ABCC3: variants seen among roughly 807,000 people sequenced by gnomAD.
ABCC3 encodes ATP-binding cassette sub-family C member 3.
In ABCC3, 121 loss-of-function variants were observed where a neutral mutation model predicts 165.3. That is an observed-to-expected ratio of 0.73 (90% confidence interval 0.63 to 0.85). The LOEUF is 0.85. Among genes scored for constraint, ABCC3 ranks in the 40% least tolerant of loss-of-function variants. ABCC3 has a pLI of 0.00. For synonymous variants in ABCC3, 733 were observed against 810.1 expected (o/e 0.90, Z 1.62); for missense variants, 1,869 against 1,964.1 (o/e 0.95, Z 0.92).
chr17:50,666,977 G>A (rs923941116), intron 11 of ABCC3, among the ~76,000 whole-genome samples: 3 of 152,140 alleles, frequency 2.0e-5, no homozygotes, highest in African/African-American at 7.2e-5. Context: ...CCCAGCACTT[G>A]GGGAGGCCAA....
At chr17:50,663,189 T>A in intron 8 of ABCC3, 1 of 150,312 alleles carries the variant, frequency 6.7e-6, no homozygotes, top group African/African-American at 2.7e-5. Context: ...AGAAGAGAGG[T>A]GAAGAAGGCC....
At chr17:50,635,671 G>A in intron 1 of ABCC3, 1 of 690,010 alleles carries the variant, frequency 1.4e-6, no homozygotes. Context: ...CCCAGAGAGA[G>A]GAAGGGACTT....
intron 28 of ABCC3, among the ~76,000 whole-genome samples, chr17:50,684,468 T>C (rs1450216945): frequency 6.6e-6 from 1 of 152,168 alleles, no homozygotes; most frequent in Admixed American, 6.5e-5. Flanking sequence ...AGTGGACACT[T>C]TGGAGTCAGA....
Position 50,664,129 on chromosome 17 carries a change from A to T in ABCC3, c.1338+18A>T. 6.2e-7 allele frequency: 1 copy of T among 1,612,724 alleles called. No homozygotes were observed. The highest frequency in any genetic ancestry group is 8.5e-7 in the Non-Finnish European group (1 of 1,179,016). On this transcript the variant is annotated intron_variant, in intron 10 of 30. Transcript: ENST00000285238. ...TCTGGCAGGTGACTCTCCAACCCTG[A>T]CCTCTGCCTCCTTCCTCTGACATGC...
At chr17:50,683,573 G>A (rs764292723) in intron 26 of ABCC3, 37 bp from the exon 27 acceptor site, 2 of 1,506,634 alleles carry the variant, frequency 1.3e-6, no homozygotes, top group Non-Finnish European at 1.8e-6. Flanking sequence ...GGGCTTCACT[G>A]GGCAGCTGAT....
At chr17:50,682,326 T>C (rs946846137) in intron 26 of ABCC3, among the ~76,000 whole-genome samples, 12 of 142,922 alleles carry the variant, frequency 8.4e-5, no homozygotes, top group Non-Finnish European at 1.7e-4. Flanking sequence ...TCTATTCTGC[T>C]TGTAGCTGCC....
chr17:50,656,061 TTTTA>T (rs1201420925), intron 2 of ABCC3, 53 bp downstream of exon 2: 1 of 1,327,542 alleles, frequency 7.5e-7, no homozygotes. Context: ...GGGATTCTGC[TTTTA>T]TTTTTTAATT....
At chr17:50,671,241 C>T (rs1290777998) in intron 17 of ABCC3, among the ~76,000 whole-genome samples, 5 of 145,318 alleles carry the variant, frequency 3.4e-5, no homozygotes. Flanking sequence ...GCCTGGGCGA[C>T]AGAGCAAGAC....
rs773118008 is a variant in ABCC3 at position 50,677,796 on chromosome 17, G to A, written c.3431G>A (p.Arg1144His). The change falls in exon 24 of 31, where the codon CGC becomes CAC. Residue 1144 changes from arginine (R) to histidine (H), a missense_variant. By Grantham distance (29) the Arg-to-His change is conservative. Coordinates refer to ENST00000285238, the MANE Select transcript of ABCC3 (RefSeq NM_003786.4). ...RQLKRLESVSRSPIYSHFSET... is the reference protein window; with the variant it reads ...RQLKRLESVSHSPIYSHFSET... ...CTGAAGCGGCTGGAATCAGTCAGCC[G>A]CTCACCTATCTACTCCCACTTTTCG... The A allele has an allele frequency of 1.1e-5, 18 of 1,614,066 alleles. No homozygotes were observed. Among genetic ancestry groups the A allele is most frequent in the South Asian group, 2.2e-5 (2 of 91,066 alleles).
intron 7 of ABCC3, among the ~76,000 whole-genome samples, chr17:50,659,910 C>G (rs1172498162): frequency 1.3e-5 from 2 of 152,134 alleles, no homozygotes. Context: ...CATTTGAGCC[C>G]AAGAGGTCAA....
Position 50,663,719 on chromosome 17 carries a change from C to T in ABCC3, c.1037C>T (p.Ser346Phe), listed in dbSNP as rs11568605. Residue 346 changes from serine to phenylalanine, a missense_variant, in exon 9 of 31, where the codon TCC (serine) becomes TTC (phenylalanine). Physicochemically the swap from Ser to Phe is radical, Grantham distance 155. Transcript: ENST00000285238. ...TTTATCTCCAACCCCATGGCCCCCTCCTGGTGGGGCTTCCTGGTGGCTGGG... is the reference window on the plus strand; with the variant it reads ...TTTATCTCCAACCCCATGGCCCCCTTCTGGTGGGGCTTCCTGGTGGCTGGG... Reference protein sequence around the residue: ...IRFISNPMAPSWWGFLVAGLM... With the variant: ...IRFISNPMAPFWWGFLVAGLM... 4.7e-3 allele frequency: 7,662 copies of T among 1,614,228 alleles called. 19 individuals are homozygous for T. The highest frequency in any genetic ancestry group is 8.6e-3 in the Middle Eastern group (52 of 6,062).
At chr17:50,658,608 C>A in intron 6 of ABCC3, 112 bp downstream of exon 6, 3 of 1,191,496 alleles carry the variant, frequency 2.5e-6, no homozygotes, top group East Asian at 2.3e-5. Flanking sequence ...CCTATCCCAC[C>A]CCCCACCGCA....
At position 50,677,715 on chromosome 17, in the gene ABCC3, T is replaced by C. The variant is rs1329070296; in HGVS notation, c.3379-29T>C. 2.5e-6 allele frequency: 4 copies of C among 1,607,476 alleles called. No individual in the cohort carries two copies. In the Admixed American group the frequency reaches 6.7e-5, roughly 27 times the overall value. On this transcript the variant is annotated intron_variant, in intron 23 of 30. Coordinates refer to ENST00000285238, the MANE Select transcript of ABCC3 (RefSeq NM_003786.4). Reference sequence around the variant, plus strand: ...GACTGAGTTGGGGGTTCCATGGCCCTGACCCCAAACTCCTTCTCCCTCCAT... The same window carrying C: ...GACTGAGTTGGGGGTTCCATGGCCCCGACCCCAAACTCCTTCTCCCTCCAT...
intron 11 of ABCC3, among the ~76,000 whole-genome samples, chr17:50,667,330 C>T (rs747482503): frequency 6.6e-6 from 1 of 152,042 alleles, no homozygotes; most frequent in Non-Finnish European, 1.5e-5. Flanking sequence ...GGTGCAGTGG[C>T]ACTGAGGGTG....
chr17:50,668,792 C>T (rs1445342118), intron 14 of ABCC3, 61 bp from the exon 15 acceptor site: 3 of 1,449,830 alleles, frequency 2.1e-6, no homozygotes, highest in African/African-American at 1.4e-5. Context: ...CCCCAGCCTC[C>T]CTGCAGGCTA....
rs1475394607 is a variant in ABCC3 at position 50,656,819 on chromosome 17, G to T, written c.340G>T (p.Val114Phe). The change falls in exon 3 of 31, where the codon GTC becomes TTC. Residue 114 changes from valine (V) to phenylalanine (F), a missense_variant. Val to Phe is a conservative substitution (Grantham distance 50). Coordinates refer to ENST00000285238, the MANE Select transcript of ABCC3 (RefSeq NM_003786.4). The part of the protein sequence containing the change: ...VFFVTPLVVG[V>F]TMLLATLLIQ... Reference sequence around the variant, plus strand: ...CTTTGTCACCCCCTTGGTGGTGGGGGTCACCATGGTCAGTGTGGGGCCCTG... The same window carrying T: ...CTTTGTCACCCCCTTGGTGGTGGGGTTCACCATGGTCAGTGTGGGGCCCTG... 1.9e-6 allele frequency: 3 copies of T among 1,609,416 alleles called. No individual in the cohort carries two copies. Among genetic ancestry groups the T allele is most frequent in the East Asian group, 2.2e-5 (1 of 44,862 alleles).
chr17:50,668,831 C>G lies in ABCC3; in HGVS notation c.1871-22C>G, dbSNP rs11568600. On this transcript the variant is annotated intron_variant, in intron 14 of 30. Coordinates refer to ENST00000285238, the MANE Select transcript of ABCC3 (RefSeq NM_003786.4). The stretch of plus-strand genomic sequence containing the variant: ...CATCCCTTGAGCTCCCTCCCTGACC[C>G]TGCCCACCTTGGTCCTCTCAGGCTA... 6.8e-3 allele frequency: 10,935 copies of G among 1,612,702 alleles called. 60 individuals are homozygous for G. The highest frequency in any genetic ancestry group is 8.5e-3 in the Non-Finnish European group (10,001 of 1,179,098).
intron 1 of ABCC3, among the ~76,000 whole-genome samples, chr17:50,650,353 C>T (rs531193439): frequency 2.6e-5 from 4 of 152,248 alleles, no homozygotes; most frequent in African/African-American, 9.6e-5. Context: ...GTGATCCACC[C>T]GCCTCTGCCT....
In ABCC3 at chr17:50,634,890, G is replaced by A; in HGVS notation, c.-47G>A. On this transcript the variant is annotated 5_prime_UTR_variant, in exon 1 of 31. Coordinates refer to ENST00000285238, the MANE Select transcript of ABCC3 (RefSeq NM_003786.4). ...GGCTCCGGCGCCCGCTCTGCCCGCC[G>A]CTGGGTCCGACCGCGCTCGCCTTCC... 8.0e-7 allele frequency: 1 copy of A among 1,244,550 alleles called. No individual in the cohort carries two copies. The highest frequency in any genetic ancestry group is 1.0e-6 in the Non-Finnish European group (1 of 993,866). 77.1% of individuals were successfully genotyped at this position (1,244,550 alleles called of 1,614,324 possible).
Sources: gnomAD v4.1 joint callset for allele counts (sites outside exome capture counted in the v4.1 genomes callset) on GRCh38, gnomAD v4.1.1 for gene constraint, MANE v1.5 for transcripts, NCBI Gene and HGNC (gene_info 2026-07-23, HGNC 2026-07-21) for gene names.